Variants in REEP1 observed in about 807,000 individuals in gnomAD.
The protein encoded by REEP1 is receptor expression-enhancing protein 1.
In REEP1, 22 loss-of-function variants were observed where a neutral mutation model predicts 40.3. The ratio of observed to expected loss-of-function variants is 0.55; its 90% CI spans 0.39 to 0.78. REEP1 has a LOEUF of 0.78. REEP1 is among the 30% of genes least tolerant of loss of function. REEP1 has a pLI of 0.00. For synonymous variants in REEP1, 116 were observed against 139.2 expected (o/e 0.83, Z 1.17); for missense variants, 280 against 361.1 (o/e 0.78, Z 1.82).
chr2:86,246,771 G>A lies in REEP1; in HGVS notation c.417+5186C>T, dbSNP rs547673215. Among the ~76,000 whole-genome samples, 5 of 145,872 alleles carry A rather than the reference G, an allele frequency of 3.4e-5. No homozygotes were observed. The East Asian group carries it at 1.0e-3, about 29-fold the overall frequency. On this transcript the variant is annotated intron_variant, in intron 5 of 8. Coordinates refer to ENST00000538924, the MANE Select transcript of REEP1 (RefSeq NM_001371279.1). ...GGCTGAAGTGCAATGGTGTGATCTC[G>A]GCTTACCGCGACCTCCACCTCCTGA...
At chr2:86,217,223 G>C in intron 8 of REEP1, 113 bp from the exon 9 acceptor site, 1 of 839,686 alleles carries the variant, frequency 1.2e-6, no homozygotes, top group Non-Finnish European at 2.0e-6. Flanking sequence ...GCCAAATGCA[G>C]CTGGCTAGGG....
In REEP1 at chr2:86,337,449, C is replaced by T; in HGVS notation, c.32+30G>A. The T allele has an allele frequency of 2.5e-6, 3 of 1,221,002 alleles. No homozygotes were observed. Among genetic ancestry groups the T allele is most frequent in the Non-Finnish European group, 3.1e-6 (3 of 974,792 alleles). The allele number at this position is 1,221,002 out of a possible 1,614,324, so 75.6% of individuals were successfully genotyped here. A position where few individuals can be genotyped will look rare whatever the true frequency, so the allele number is the denominator to read the frequency against. Reference sequence around the variant, plus strand: ...GGGCCGGGGGCGGGGAGGGAGGGGACGGAGGGGCGCGGGGGAGAAGGCCAC... The same window carrying T: ...GGGCCGGGGGCGGGGAGGGAGGGGATGGAGGGGCGCGGGGGAGAAGGCCAC... On this transcript the variant is annotated intron_variant, in intron 1 of 8. Transcript: ENST00000538924. The surrounding 1 kb of genome is among the most constrained non-coding windows in gnomAD (Gnocchi z 5.8).
At chr2:86,267,518 TA>T (rs1226298136) in intron 2 of REEP1, among the ~76,000 whole-genome samples, 2 of 151,880 alleles carry the variant, frequency 1.3e-5, no homozygotes, top group Non-Finnish European at 2.9e-5. Context: ...CTGTCTCCAC[TA>T]AAAAACTCAA....
chr2:86,247,692 T>A (rs1676049008), intron 5 of REEP1, among the ~76,000 whole-genome samples: 1 of 151,950 alleles, frequency 6.6e-6, no homozygotes, highest in Admixed American at 6.6e-5. Context: ...TGCCTCAGCC[T>A]TCCGAGTAGC....
chr2:86,216,943 G>T lies in REEP1; in HGVS notation c.*96C>A. On this transcript the variant is annotated 3_prime_UTR_variant, in exon 9 of 9. Transcript: ENST00000538924. ...ATGTTTGTGAGGCTGCACACTCAAA[G>T]CACACCCAGCTTGCGGATTTCTATG... is the stretch of plus-strand genomic sequence containing the variant. The T allele has an allele frequency of 2.0e-6, 2 of 1,004,502 alleles. No homozygotes were observed. The highest frequency in any genetic ancestry group is 1.6e-6 in the Non-Finnish European group (1 of 642,384). The allele number at this position is 1,004,502 out of a possible 1,614,324, so 62.2% of individuals were successfully genotyped here.
rs2104394897 is a variant in REEP1, at chr2:86,282,208, A to G, written c.67T>C (p.Ser23Pro). 2 of 1,610,888 alleles carry G rather than the reference A, an allele frequency of 1.2e-6. No homozygotes were observed. Among genetic ancestry groups the G allele is most frequent in the Non-Finnish European group, 1.7e-6 (2 of 1,177,056 alleles). Residue 23 changes from serine (S) to proline (P), a missense_variant, in exon 2 of 9, where the codon TCC (serine) becomes CCC (proline). Physicochemically the swap from Ser to Pro is moderately conservative, Grantham distance 74. This residue lies in a region of REEP1 where 68 missense variants were observed against 83.7 expected (regional missense o/e 0.81). Coordinates refer to ENST00000538924, the MANE Select transcript of REEP1 (RefSeq NM_001371279.1). ...TCCTTTGATTTCACAGCCTTGTAGG[A>G]ATAATACGCAGGGTAAAGGGTGCCA... is the stretch of plus-strand genomic sequence containing the variant. ...IFGTLYPAYY[S>P]YKAVKSKDIK...
intron 5 of REEP1, 59 bp downstream of exon 5, chr2:86,251,898 G>A (rs1001171687): frequency 8.6e-6 from 10 of 1,164,688 alleles, no homozygotes; most frequent in South Asian, 6.1e-5. Flanking sequence ...CACAGGTGAT[G>A]AGCAGGGCAC....
chr2:86,266,237 A>C (rs2104315612), intron 2 of REEP1, among the ~76,000 whole-genome samples: 1 of 152,380 alleles, frequency 6.6e-6, no homozygotes, highest in Non-Finnish European at 1.5e-5. Context: ...CAGAGTCCTA[A>C]ATGTAAGAGT....
chr2:86,335,847 T>C (rs1332461983), intron 1 of REEP1, among the ~76,000 whole-genome samples: 2 of 51,964 alleles, frequency 3.8e-5, no homozygotes, highest in Non-Finnish European at 7.1e-5. Flanking sequence ...CGAGACTCGG[T>C]CTCAAAAAAA....
chr2:86,273,370 G>A (rs991274154), intron 2 of REEP1, among the ~76,000 whole-genome samples: 29 of 148,874 alleles, frequency 1.9e-4, no homozygotes, highest in Non-Finnish European at 3.5e-4. Flanking sequence ...CTGCAGTCTC[G>A]ACCTGCTGGG....
chr2:86,273,220 G>A (rs568582060), intron 2 of REEP1, among the ~76,000 whole-genome samples: 270 of 149,128 alleles, frequency 1.8e-3, no homozygotes, highest in Non-Finnish European at 3.0e-3. Flanking sequence ...CCTTACTGTT[G>A]TTAAGATAAA....
intron 1 of REEP1, among the ~76,000 whole-genome samples, chr2:86,301,247 C>T (rs12476706): frequency 0.29 from 44,180 of 152,098 alleles, 7,861 homozygotes; most frequent in Non-Finnish European, 0.4. Context: ...CCACAGCAGG[C>T]TTTTCCATGG....
chr2:86,295,845 T>C (rs904066675), intron 1 of REEP1, among the ~76,000 whole-genome samples: 3 of 152,346 alleles, frequency 2.0e-5, no homozygotes, highest in Middle Eastern at 6.8e-3. Flanking sequence ...AGCCCACAGC[T>C]GCTTTGTTTA....
chr2:86,241,215 C>T (rs923073674), intron 5 of REEP1, among the ~76,000 whole-genome samples: 7 of 152,164 alleles, frequency 4.6e-5, no homozygotes, highest in Non-Finnish European at 8.8e-5. Flanking sequence ...GAGGCAAAGG[C>T]CCTGCTGGAA....
At chr2:86,252,484 A>AAGTACTT (rs11283451) in intron 4 of REEP1, among the ~76,000 whole-genome samples, 61,150 of 151,430 alleles carry the variant, frequency 0.4, 14,124 homozygotes, top group East Asian at 0.65. Context: ...AGACCTTGGC[A>AAGTACTT]AGCCTCTCTA....
At chr2:86,286,148 G>T (rs1008689720) in intron 1 of REEP1, among the ~76,000 whole-genome samples, 22 of 152,130 alleles carry the variant, frequency 1.4e-4, no homozygotes, top group Non-Finnish European at 2.9e-4. Flanking sequence ...CTCCAAGTTA[G>T]GGGTCTTCAT....
At chr2:86,245,410 G>T (rs1261235201) in intron 5 of REEP1, among the ~76,000 whole-genome samples, 1 of 152,176 alleles carries the variant, frequency 6.6e-6, no homozygotes, top group Non-Finnish European at 1.5e-5. Context: ...GTGGACAGAC[G>T]TGCAGGCTCC....
intron 2 of REEP1, among the ~76,000 whole-genome samples, chr2:86,278,915 C>T (rs1677909939): frequency 1.3e-5 from 2 of 152,178 alleles, no homozygotes; most frequent in Admixed American, 1.3e-4. Flanking sequence ...CATCCCAAAA[C>T]CTTGAATCCA....
At chr2:86,310,921 C>A (rs958707841) in intron 1 of REEP1, among the ~76,000 whole-genome samples, 9 of 152,172 alleles carry the variant, frequency 5.9e-5, no homozygotes, top group Non-Finnish European at 1.0e-4. Context: ...TACCTCTGGA[C>A]AGCTATGTAG....
Sources: gnomAD v4.1 joint callset for allele counts (sites outside exome capture counted in the v4.1 genomes callset) on GRCh38, gnomAD v4.1.1 for gene constraint, gnomAD v4.1.1 regional missense constraint, Gnocchi (gnomAD v3.1) non-coding constraint, MANE v1.5 for transcripts, NCBI Gene and HGNC (gene_info 2026-07-23, HGNC 2026-07-21) for gene names.